Variants in CTNNA1 observed in about 807,000 individuals in gnomAD.
CTNNA1 encodes catenin alpha-1.
A neutral mutation model predicts 98.4 loss-of-function variants in CTNNA1; 37 were observed. The observed-to-expected ratio is 0.38, with a 90% CI of 0.29 to 0.49. The LOEUF is 0.49. Ranked by LOEUF, CTNNA1 falls within the 20% of genes least tolerant of loss-of-function variation. The pLI is 0.95. For synonymous variants in CTNNA1, 404 were observed against 413.2 expected (o/e 0.98, Z 0.27); for missense variants, 761 against 1,147.2 (o/e 0.66, Z 4.86).
At chr5:138,824,883 T>TA in intron 6 of CTNNA1, 84 bp downstream of exon 6, 4 of 1,263,128 alleles carry the variant, frequency 3.2e-6, no homozygotes, top group Non-Finnish European at 4.5e-6. Flanking sequence ...GATCAAGGCT[T>TA]CTGATGATAG....
At chr5:138,779,363 A>C (rs966350682) in intron 1 of CTNNA1, among the ~76,000 whole-genome samples, 1 of 152,208 alleles carries the variant, frequency 6.6e-6, no homozygotes, top group African/African-American at 2.4e-5. Context: ...TTATTTAGTT[A>C]CAGACAGTTA....
chr5:138,882,266 G>GGGTAGGAGTT (rs1268609633), intron 7 of CTNNA1, among the ~76,000 whole-genome samples: 1 of 152,176 alleles, frequency 6.6e-6, no homozygotes, highest in African/African-American at 2.4e-5. Flanking sequence ...TCTGAACGAT[G>GGGTAGGAGTT]GGTAGGAGTT....
At chr5:138,754,547 A>T (rs1751411350) in intron 1 of CTNNA1, 1 of 152,226 alleles carries the variant, frequency 6.6e-6, no homozygotes, top group South Asian at 2.1e-4. Flanking sequence ...AAATGCTTAC[A>T]TCATTGTTGG....
chr5:138,761,061 T>C (rs984275413), intron 1 of CTNNA1, among the ~76,000 whole-genome samples: 1 of 152,242 alleles, frequency 6.6e-6, no homozygotes, highest in African/African-American at 2.4e-5. Flanking sequence ...TTGTCAACTG[T>C]AGTCCTTCGT....
chr5:138,799,630 T>C (rs1204984307), intron 3 of CTNNA1, among the ~76,000 whole-genome samples: 4 of 152,098 alleles, frequency 2.6e-5, no homozygotes, highest in African/African-American at 9.7e-5. Flanking sequence ...GTGTCATTTT[T>C]TTTTTTTTTG....
chr5:138,791,849 T>A (rs825757), intron 3 of CTNNA1, among the ~76,000 whole-genome samples: 1 of 151,272 alleles, frequency 6.6e-6, no homozygotes, highest in Admixed American at 6.6e-5. Flanking sequence ...CTTGTTTTTT[T>A]AAATTTTTAT....
intron 5 of CTNNA1, among the ~76,000 whole-genome samples, chr5:138,824,248 C>A (rs1255077681): frequency 1.3e-5 from 2 of 152,028 alleles, no homozygotes; most frequent in Non-Finnish European, 2.9e-5. Context: ...AGAAGGGGAA[C>A]CTTAGCCCTG....
At chr5:138,918,108 G>A (rs1762189381) in intron 11 of CTNNA1, among the ~76,000 whole-genome samples, 1 of 152,194 alleles carries the variant, frequency 6.6e-6, no homozygotes, top group Non-Finnish European at 1.5e-5. Context: ...GCTGGGGTTG[G>A]AGATGTTTCC....
At chr5:138,844,761 G>A (rs1249840182) in intron 7 of CTNNA1, among the ~76,000 whole-genome samples, 1 of 152,036 alleles carries the variant, frequency 6.6e-6, no homozygotes, top group Non-Finnish European at 1.5e-5. Context: ...ACTAGAGCAA[G>A]TATAGAATTA....
intron 3 of CTNNA1, among the ~76,000 whole-genome samples, chr5:138,788,099 C>G (rs779953875): frequency 6.6e-6 from 1 of 152,096 alleles, no homozygotes; most frequent in African/African-American, 2.4e-5. Context: ...GTTTACCTCC[C>G]GTATCCCCCC....
At chr5:138,857,763 T>C (rs552540219) in intron 7 of CTNNA1, among the ~76,000 whole-genome samples, 1 of 152,258 alleles carries the variant, frequency 6.6e-6, no homozygotes, top group African/African-American at 2.4e-5. Flanking sequence ...GTAGAGGTGC[T>C]ATACTTTGAA....
chr5:138,814,671 G>T (rs918302839), intron 5 of CTNNA1, among the ~76,000 whole-genome samples: 1 of 152,180 alleles, frequency 6.6e-6, no homozygotes, highest in African/African-American at 2.4e-5. Flanking sequence ...TATGAAGACT[G>T]ACTGTTATTT....
At position 138,810,145 on chromosome 5, in the gene CTNNA1, C is replaced by T. The variant is rs781124226; in HGVS notation, c.409C>T (p.Arg137Trp). Reference protein sequence around the residue: ...AARALLSAVTRLLILADMADV... With the variant: ...AARALLSAVTWLLILADMADV... Reference sequence around the variant, plus strand: ...TCGAGCTTTGCTCTCTGCTGTTACCCGGTTGCTGATTTTGGCTGACATGGC... The same window carrying T: ...TCGAGCTTTGCTCTCTGCTGTTACCTGGTTGCTGATTTTGGCTGACATGGC... Residue 137 changes from arginine to tryptophan, a missense_variant, in exon 4 of 18, where the codon CGG becomes TGG. This residue lies in a region of CTNNA1 where 328 missense variants were observed against 354.3 expected (regional missense o/e 0.93). Coordinates refer to ENST00000302763, the MANE Select transcript of CTNNA1 (RefSeq NM_001903.5). The T allele has an allele frequency of 7.0e-5, 113 of 1,614,022 alleles. No homozygotes were observed. The highest frequency in any genetic ancestry group is 1.6e-4 in the Middle Eastern group (1 of 6,084).
At chr5:138,790,237 G>A (rs116154243) in intron 3 of CTNNA1, among the ~76,000 whole-genome samples, 1,777 of 152,310 alleles carry the variant, frequency 0.012, 28 homozygotes, top group African/African-American at 0.041. Context: ...TGTGCAAGTA[G>A]CTGATCTTTT....
chr5:138,892,333 T>TTTTTG lies in CTNNA1; in HGVS notation c.1296+4695_1296+4696insGTTTT, dbSNP rs1561667881. 5.9e-5 allele frequency among the ~76,000 whole-genome samples: 4 copies of TTTTTG among 67,828 alleles called. No homozygotes were observed. In the East Asian group the frequency reaches 9.7e-4, roughly 16 times the overall value. 44.5% of individuals were successfully genotyped at this position (67,828 alleles called of 152,430 possible). On this transcript the variant is annotated intron_variant, in intron 9 of 17. Transcript: ENST00000302763. ...AAAGAATATAAAATAGCTTAGTTTT[T>TTTTTG]TTTTTTTTTTTTTTTTTTTTTTTTG...
chr5:138,926,526 G>A (rs28363476), intron 13 of CTNNA1, among the ~76,000 whole-genome samples: 6,083 of 152,164 alleles, frequency 0.04, 163 homozygotes, highest in Non-Finnish European at 0.064. Flanking sequence ...TTTCGTTGAG[G>A]ATACTGAGGC....
intron 13 of CTNNA1, among the ~76,000 whole-genome samples, chr5:138,926,296 G>A (rs1048822337): frequency 3.3e-5 from 5 of 152,208 alleles, no homozygotes; most frequent in African/African-American, 1.2e-4. Context: ...TGAGTCCATA[G>A]TTGAATATAC....
intron 10 of CTNNA1, among the ~76,000 whole-genome samples, chr5:138,910,847 C>T (rs1760456962): frequency 6.6e-6 from 1 of 152,128 alleles, no homozygotes; most frequent in Non-Finnish European, 1.5e-5. Flanking sequence ...ACTGCAGGGC[C>T]TTTGGAGGCC....
intron 1 of CTNNA1, among the ~76,000 whole-genome samples, chr5:138,771,740 A>C (rs555199353): frequency 1.3e-3 from 191 of 152,244 alleles, no homozygotes; most frequent in African/African-American, 4.4e-3. Flanking sequence ...TGAGGTTCCA[A>C]AGGCTGTGTT....
Sources: allele counts gnomAD v4.1 joint callset (sites outside exome capture counted in the v4.1 genomes callset), GRCh38; gene constraint gnomAD v4.1.1; regional missense constraint gnomAD v4.1.1; transcripts MANE v1.5; gene names NCBI Gene and HGNC (gene_info 2026-07-23, HGNC 2026-07-21).